Variants in RNF180 observed in about 807,000 individuals in gnomAD.
RNF180 encodes the protein E3 ubiquitin-protein ligase RNF180.
In RNF180, 38 loss-of-function variants were observed where a neutral mutation model predicts 59.2. The ratio of observed to expected loss-of-function variants is 0.64; its 90% confidence interval spans 0.50 to 0.84. The LOEUF is 0.84. RNF180 is among the 40% of genes least tolerant of loss of function. The pLI is 0.00. For synonymous variants in RNF180, 262 were observed against 240.3 expected, an observed-to-expected ratio of 1.09 and a Z score of -0.84; for missense variants, 705 against 700.9, an observed-to-expected ratio of 1.01 and a Z score of -0.07.
intron 7 of RNF180, among the ~76,000 whole-genome samples, chr5:64,364,603 A>G (rs1303200333): frequency 6.6e-6 from 1 of 151,588 alleles, no homozygotes; most frequent in Non-Finnish European, 1.5e-5. Context: ...ATGCGTTGGG[A>G]AGGAGTCTCT....
At chr5:64,301,707 G>A (rs1743168918) in intron 5 of RNF180, among the ~76,000 whole-genome samples, 1 of 151,382 alleles carries the variant, frequency 6.6e-6, no homozygotes, top group Non-Finnish European at 1.5e-5. Context: ...CAGAATGTGT[G>A]TGTGTGTGTG....
At chr5:64,276,931 A>G (rs1741751020) in intron 5 of RNF180, among the ~76,000 whole-genome samples, 1 of 152,000 alleles carries the variant, frequency 6.6e-6, no homozygotes, top group South Asian at 2.1e-4. Context: ...CTGCCATTTA[A>G]CACTCACAAT....
At chr5:64,216,643 A>G (rs1752644990) in intron 4 of RNF180, among the ~76,000 whole-genome samples, 1 of 152,210 alleles carries the variant, frequency 6.6e-6, no homozygotes, top group African/African-American at 2.4e-5. Context: ...TAATGACAGT[A>G]CAGAAAGTTA....
chr5:64,180,137 A>G (rs1579938147), intron 1 of RNF180, among the ~76,000 whole-genome samples: 1 of 152,134 alleles, frequency 6.6e-6, no homozygotes, highest in East Asian at 1.9e-4. Flanking sequence ...CCATTTGCTT[A>G]TATTTGCAGA....
At chr5:64,357,332 C>T (rs1179802642) in intron 7 of RNF180, among the ~76,000 whole-genome samples, 2 of 151,762 alleles carry the variant, frequency 1.3e-5, no homozygotes, top group African/African-American at 4.8e-5. Context: ...TTATATCAAT[C>T]AACTTTTGAC....
intron 5 of RNF180, among the ~76,000 whole-genome samples, chr5:64,316,071 ATTATTTTGTTGTTT>A (rs1293370336): frequency 7.9e-5 from 12 of 152,056 alleles, no homozygotes; most frequent in Non-Finnish European, 7.4e-5. Context: ...ATCTCAGTAT[ATTATTTTGTTGTTT>A]TTATTTTGTT....
At chr5:64,303,106 C>A (rs560903449) in intron 5 of RNF180, among the ~76,000 whole-genome samples, 1 of 151,614 alleles carries the variant, frequency 6.6e-6, no homozygotes, top group South Asian at 2.1e-4. Context: ...GGCCAGTGAA[C>A]TTTGATATTA....
intron 1 of RNF180, among the ~76,000 whole-genome samples, chr5:64,196,900 A>C (rs572721079): frequency 6.6e-6 from 1 of 152,224 alleles, no homozygotes; most frequent in Admixed American, 6.5e-5. Context: ...CCCCCCTCCA[A>C]ATTGCTTTGG....
intron 5 of RNF180, among the ~76,000 whole-genome samples, chr5:64,228,463 A>G (rs994972613): frequency 6.6e-6 from 1 of 152,180 alleles, no homozygotes; most frequent in African/African-American, 2.4e-5. Context: ...GCAGTAAGCC[A>G]TGATGGTACC....
chr5:64,195,199 A>G (rs1751395894), intron 1 of RNF180, among the ~76,000 whole-genome samples: 1 of 152,160 alleles, frequency 6.6e-6, no homozygotes, highest in African/African-American at 2.4e-5. Flanking sequence ...CAGTTATCCT[A>G]GTGACAAATG....
chr5:64,300,212 G>T (rs1415441204), intron 5 of RNF180, among the ~76,000 whole-genome samples: 1 of 151,722 alleles, frequency 6.6e-6, no homozygotes, highest in Non-Finnish European at 1.5e-5. Flanking sequence ...GTATTGCTAA[G>T]ACCTAAGGTA....
Position 64,214,021 on chromosome 5 carries a change from A to T in RNF180, c.695A>T (p.Asp232Val). The T allele has an allele frequency of 6.2e-7, 1 of 1,614,174 alleles. No individual in the cohort carries two copies. Among genetic ancestry groups the T allele is most frequent in the Non-Finnish European group, 8.5e-7 (1 of 1,180,020 alleles). The change falls in exon 4 of 8, where the codon GAT becomes GTT. Residue 232 changes from aspartate (D) to valine (V), a missense_variant. By Grantham distance (152) the Asp-to-Val change is radical (BLOSUM62 -3). Coordinates refer to ENST00000389100, the MANE Select transcript of RNF180 (RefSeq NM_001113561.2). ...RAFHRKSHSL[D>V]LNISEKLTLL... is the part of the protein sequence containing the mutation. ...TTTCATAGAAAATCACATAGTTTGG[A>T]TCTGAACATCAGTGAGAAACTGACT...
intron 5 of RNF180, among the ~76,000 whole-genome samples, chr5:64,245,804 C>A (rs899025721): frequency 8.5e-5 from 13 of 152,186 alleles, no homozygotes; most frequent in Admixed American, 8.5e-4. Context: ...CCCAGATCAA[C>A]AGAATATACA....
At chr5:64,361,195 G>A (rs1281606216) in intron 7 of RNF180, among the ~76,000 whole-genome samples, 2 of 151,232 alleles carry the variant, frequency 1.3e-5, no homozygotes, top group African/African-American at 4.8e-5. Flanking sequence ...GAATACTATA[G>A]ACCAATCTCC....
intron 5 of RNF180, among the ~76,000 whole-genome samples, chr5:64,309,414 A>C (rs1168070094): frequency 2.0e-5 from 3 of 151,720 alleles, no homozygotes; most frequent in African/African-American, 4.8e-5. Context: ...ATTGATTTAG[A>C]TTTGTTTTAT....
At chr5:64,336,135 T>C (rs1223564517) in intron 7 of RNF180, among the ~76,000 whole-genome samples, 1 of 152,166 alleles carries the variant, frequency 6.6e-6, no homozygotes, top group East Asian at 1.9e-4. Context: ...CCCATATCCT[T>C]CTTTCTACTT....
chr5:64,345,724 G>T (rs145710553), intron 7 of RNF180, among the ~76,000 whole-genome samples: 2,408 of 152,236 alleles, frequency 0.016, 31 homozygotes, highest in Non-Finnish European at 0.026. Context: ...ACAATTTGCT[G>T]TTCTTCATGT....
intron 1 of RNF180, among the ~76,000 whole-genome samples, chr5:64,167,532 G>T (rs1472473047): frequency 1.3e-5 from 2 of 152,060 alleles, no homozygotes; most frequent in Non-Finnish European, 2.9e-5. Context: ...GACTTAATTA[G>T]CACTTTTTTG....
intron 1 of RNF180, among the ~76,000 whole-genome samples, chr5:64,180,044 C>T (rs1750485472): frequency 6.6e-6 from 1 of 152,182 alleles, no homozygotes; most frequent in Non-Finnish European, 1.5e-5. Flanking sequence ...CTAGGAACTG[C>T]ACTTCCATAC....
Sources: allele counts gnomAD v4.1 joint callset (sites outside exome capture counted in the v4.1 genomes callset), GRCh38; gene constraint gnomAD v4.1.1; transcripts MANE v1.5; gene names NCBI Gene and HGNC (gene_info 2026-07-23, HGNC 2026-07-21).